The following ETFDH variants were observed in gnomAD, a reference collection of about 807,000 sequenced individuals.
ETFDH encodes electron transfer flavoprotein-ubiquinone oxidoreductase, mitochondrial.
A neutral mutation model predicts 73.2 loss-of-function variants in ETFDH; 61 were observed. The observed-to-expected ratio is 0.83, with a 90% CI of 0.68 to 1.03. ETFDH has a LOEUF of 1.03. Ranked by LOEUF, ETFDH falls within the 50% of genes least tolerant of loss-of-function variation. The pLI is 0.00. For missense variants in ETFDH, 685 were observed against 745.0 expected (o/e 0.92, Z 0.94); for synonymous variants, 243 against 253.3 (o/e 0.96, Z 0.39).
At chr4:158,674,680 A>G (rs1296382384) in intron 1 of ETFDH, among the ~76,000 whole-genome samples, 1 of 152,190 alleles carries the variant, frequency 6.6e-6, no homozygotes, top group African/African-American at 2.4e-5. Context: ...ACAGATTTTT[A>G]TTGCCTTTTC....
chr4:158,687,207 G>C (rs1463622882), intron 5 of ETFDH, among the ~76,000 whole-genome samples: 2 of 152,164 alleles, frequency 1.3e-5, no homozygotes, highest in Non-Finnish European at 2.9e-5. Flanking sequence ...ACTCAGGAAA[G>C]GGACCAGAAG....
rs1325533629 is a variant in ETFDH, at chr4:158,708,643, T to G, written c.*116T>G. On this transcript the variant is annotated 3_prime_UTR_variant, in exon 13 of 13. Coordinates refer to ENST00000511912, the MANE Select transcript of ETFDH (RefSeq NM_004453.4). ...CTGAACAGAATAGTCACAAAATGATTATCAAATAAAAATTTTATACTATAT... is the reference window on the plus strand; with the variant it reads ...CTGAACAGAATAGTCACAAAATGATGATCAAATAAAAATTTTATACTATAT... The G allele has an allele frequency of 1.1e-6, 1 of 873,704 alleles. No homozygotes were observed. The highest frequency in any genetic ancestry group is 1.7e-5 in the African/African-American group (1 of 59,004). The allele number at this position is 873,704 out of a possible 1,614,324, so 54.1% of individuals were successfully genotyped here. A position where few individuals can be genotyped will look rare whatever the true frequency, so the allele number is the denominator to read the frequency against.
chr4:158,703,636 T>C (rs779076265), intron 10 of ETFDH, 45 bp downstream of exon 10: 10 of 1,165,176 alleles, frequency 8.6e-6, no homozygotes, highest in Non-Finnish European at 1.2e-5. Flanking sequence ...ATTGCTGGGT[T>C]ATGTGTATTT....
chr4:158,679,060 A>C (rs1326090136), intron 1 of ETFDH, among the ~76,000 whole-genome samples: 1 of 152,158 alleles, frequency 6.6e-6, no homozygotes, highest in Non-Finnish European at 1.5e-5. Flanking sequence ...CTTTCTAGCT[A>C]TCTCTGCACC....
chr4:158,692,933 T>G (rs2150310133), intron 6 of ETFDH, among the ~76,000 whole-genome samples: 1 of 150,686 alleles, frequency 6.6e-6, no homozygotes, highest in East Asian at 1.9e-4. Flanking sequence ...TGCTTTGCAT[T>G]TGTAAAAACG....
At chr4:158,672,640 G>A in intron 1 of ETFDH, 150 bp downstream of exon 1, 1 of 808,162 alleles carries the variant, frequency 1.2e-6, no homozygotes, top group South Asian at 1.5e-5. Context: ...AGCCTGTTGG[G>A]GGACCCTGGC....
chr4:158,672,601 G>T (rs974765941), intron 1 of ETFDH, 111 bp downstream of exon 1: 2 of 1,102,154 alleles, frequency 1.8e-6, no homozygotes, highest in East Asian at 4.8e-5. Flanking sequence ...GCTTTCTCAG[G>T]CTATCTAGGG....
chr4:158,700,149 T>G (rs1468898397), intron 9 of ETFDH, among the ~76,000 whole-genome samples: 1 of 152,170 alleles, frequency 6.6e-6, no homozygotes, highest in African/African-American at 2.4e-5. Flanking sequence ...AGAAATTGCC[T>G]TATCTTTAAA....
intron 5 of ETFDH, among the ~76,000 whole-genome samples, chr4:158,686,873 A>T (rs764477238): frequency 1.1e-4 from 16 of 152,174 alleles, no homozygotes; most frequent in Non-Finnish European, 2.2e-4. Flanking sequence ...AAATTGGCTC[A>T]CAAGAGGCAG....
intron 9 of ETFDH, among the ~76,000 whole-genome samples, chr4:158,701,894 A>G (rs571335556): frequency 6.6e-6 from 1 of 152,340 alleles, no homozygotes; most frequent in African/African-American, 2.4e-5. Context: ...GTCTAAACTG[A>G]AAAATATCCC....
At position 158,672,297 on chromosome 4, in the gene ETFDH, T is replaced by C; in HGVS notation, c.-160T>C. The C allele has an allele frequency of 1.3e-6, 1 of 773,050 alleles. No homozygotes were observed. 47.9% of individuals were successfully genotyped at this position (773,050 alleles called of 1,614,324 possible). On this transcript the variant is annotated 5_prime_UTR_variant, in exon 1 of 13. Coordinates refer to ENST00000511912, the MANE Select transcript of ETFDH (RefSeq NM_004453.4). ...GAGCGAGAAGGAGGTGGGAACGCCG[T>C]GAAGCAAGAGCGGTCGGCAGAGCGG...
intron 3 of ETFDH, 80 bp from the exon 4 acceptor site, chr4:158,684,512 C>A: frequency 1.2e-6 from 1 of 807,828 alleles, no homozygotes; most frequent in Admixed American, 2.1e-5. Context: ...CATCAGAGTA[C>A]ATTTTATAGT....
intron 1 of ETFDH, among the ~76,000 whole-genome samples, chr4:158,674,591 A>T (rs911848205): frequency 3.3e-5 from 5 of 152,186 alleles, no homozygotes; most frequent in African/African-American, 1.2e-4. Flanking sequence ...ATGAGCCACC[A>T]TGCCTGGCCC....
chr4:158,695,142 A>G (rs1774276205), intron 6 of ETFDH, among the ~76,000 whole-genome samples: 1 of 152,182 alleles, frequency 6.6e-6, no homozygotes, highest in Non-Finnish European at 1.5e-5. Flanking sequence ...GAGTGTTTGT[A>G]TCTTATAACA....
chr4:158,704,307 C>T (rs1774548751), intron 10 of ETFDH, among the ~76,000 whole-genome samples: 1 of 152,192 alleles, frequency 6.6e-6, no homozygotes, highest in South Asian at 2.1e-4. Flanking sequence ...AGGCCTATGA[C>T]TCTTCTGCTG....
rs551279384 is a variant in ETFDH, at chr4:158,706,081, G to A, written c.1286-108G>A. 9.6e-4 allele frequency: 779 copies of A among 810,708 alleles called. 1 individual carries two copies. The highest frequency in any genetic ancestry group is 1.5e-3 in the Non-Finnish European group (715 of 469,508). The allele number at this position is 810,708 out of a possible 1,614,324, so 50.2% of individuals were successfully genotyped here. ...GGGTGACAGAGCAAGACCTTGTCTC[G>A]AAAAAAGAAAAACTTCACTCATCAG... On this transcript the variant is annotated intron_variant, in intron 10 of 12. Coordinates refer to ENST00000511912, the MANE Select transcript of ETFDH (RefSeq NM_004453.4).
intron 1 of ETFDH, among the ~76,000 whole-genome samples, chr4:158,676,399 A>G (rs1177323405): frequency 6.6e-6 from 1 of 152,218 alleles, no homozygotes; most frequent in East Asian, 1.9e-4. Flanking sequence ...TAGTGATGTT[A>G]TCCCCAGGAG....
chr4:158,690,445 A>C lies in ETFDH; in HGVS notation c.684+20A>C. On this transcript the variant is annotated intron_variant, in intron 6 of 12. Coordinates refer to ENST00000511912, the MANE Select transcript of ETFDH (RefSeq NM_004453.4). Reference sequence around the variant, plus strand: ...CCAAAGGTAAACCTTTTTAATAGTTACGTGCTTAATAAAGCGACAAACAAC... The same window carrying C: ...CCAAAGGTAAACCTTTTTAATAGTTCCGTGCTTAATAAAGCGACAAACAAC... 7.4e-7 allele frequency: 1 copy of C among 1,344,664 alleles called. No individual in the cohort carries two copies. Among genetic ancestry groups the C allele is most frequent in the South Asian group, 1.2e-5 (1 of 85,718 alleles). The allele number at this position is 1,344,664 out of a possible 1,614,324, so 83.3% of individuals were successfully genotyped here. A position where few individuals can be genotyped will look rare whatever the true frequency, so the allele number is the denominator to read the frequency against.
chr4:158,687,906 G>A (rs925119048), intron 5 of ETFDH, among the ~76,000 whole-genome samples: 10 of 151,766 alleles, frequency 6.6e-5, no homozygotes, highest in African/African-American at 1.7e-4. Flanking sequence ...CGGGCATGGC[G>A]GCACGTGCCT....
Sources: gnomAD v4.1 joint callset for allele counts (sites outside exome capture counted in the v4.1 genomes callset) on GRCh38, gnomAD v4.1.1 for gene constraint, MANE v1.5 for transcripts, NCBI Gene and HGNC (gene_info 2026-07-23, HGNC 2026-07-21) for gene names.